Variants in OPCML observed in about 807,000 individuals in gnomAD.
OPCML encodes opioid-binding protein/cell adhesion molecule.
Under a neutral mutation model 37.8 loss-of-function variants are expected in OPCML, and 13 were observed. That is an observed-to-expected ratio of 0.34 (90% CI 0.22 to 0.55). The LOEUF (loss-of-function observed/expected upper bound fraction) is 0.55, where lower values mean the gene tolerates loss of function less well. OPCML is among the 20% of genes least tolerant of loss of function. The probability of loss-of-function intolerance (pLI) is 0.91; values close to 1 mark genes in which losing one functional copy is unlikely to be tolerated. For missense variants in OPCML, 341 were observed against 435.6 expected (o/e 0.78, Z 1.93); for synonymous variants, 176 against 168.8 (o/e 1.04, Z -0.33).
intron 1 of OPCML, chr11:133,067,283 A>G (rs1436130977): frequency 6.6e-6 from 1 of 152,176 alleles, no homozygotes; most frequent in Non-Finnish European, 1.5e-5. Flanking sequence ...CAGTGAGTAA[A>G]GGGTGTGGCT....
At chr11:133,433,004 T>G (rs1429296667) in intron 1 of OPCML, among the ~76,000 whole-genome samples, 1 of 152,170 alleles carries the variant, frequency 6.6e-6, no homozygotes, top group Non-Finnish European at 1.5e-5. Flanking sequence ...TATTCTAGAT[T>G]TTTGGTATTT....
rs116997555 is a variant in OPCML at position 133,453,370 on chromosome 11, A to T, written c.61+78894T>A. On this transcript the variant is annotated intron_variant, in intron 1 of 7. Transcript: ENST00000524381. The stretch of plus-strand genomic sequence containing the variant: ...AAGGGACTTTCAAACTTTTGATTGG[A>T]TGCTAGAATGTTAAACTCTGACGGA... Among the ~76,000 whole-genome samples, 545 of 152,316 alleles carry T rather than the reference A, an allele frequency of 3.6e-3. 3 individuals carry two copies. Among genetic ancestry groups the T allele is most frequent in the Non-Finnish European group, 5.3e-3 (359 of 68,024 alleles).
intron 1 of OPCML, among the ~76,000 whole-genome samples, chr11:133,327,712 G>A (rs760430463): frequency 3.6e-4 from 55 of 152,286 alleles, no homozygotes; most frequent in African/African-American, 1.2e-3. Context: ...CAGCACTGAA[G>A]CCTCCACTTC....
At chr11:133,227,088 G>A (rs1049154677) in intron 1 of OPCML, among the ~76,000 whole-genome samples, 1 of 152,188 alleles carries the variant, frequency 6.6e-6, no homozygotes, top group African/African-American at 2.4e-5. Flanking sequence ...TTAGGGGGGG[G>A]TGCTGTCCTC....
At chr11:132,643,320 A>T (rs1940965378) in intron 3 of OPCML, among the ~76,000 whole-genome samples, 1 of 152,172 alleles carries the variant, frequency 6.6e-6, no homozygotes, top group African/African-American at 2.4e-5. Flanking sequence ...TTGCTGAAGG[A>T]GCTCAGGCAG....
At chr11:133,500,808 C>T (rs188102448) in intron 1 of OPCML, among the ~76,000 whole-genome samples, 73 of 152,272 alleles carry the variant, frequency 4.8e-4, no homozygotes, top group African/African-American at 1.5e-3. Flanking sequence ...TAGAAACCTT[C>T]GAATTTTGAG....
chr11:132,773,747 A>G (rs537754826), intron 2 of OPCML, among the ~76,000 whole-genome samples: 9 of 152,028 alleles, frequency 5.9e-5, no homozygotes, highest in African/African-American at 1.4e-4. Context: ...CTCTTTCTGT[A>G]TCTCCTTTCT....
chr11:133,045,984 A>T (rs1379246032), intron 1 of OPCML, among the ~76,000 whole-genome samples: 1 of 152,122 alleles, frequency 6.6e-6, no homozygotes, highest in Non-Finnish European at 1.5e-5. Context: ...AAGCTACAAG[A>T]TGCTCACCGG....
intron 2 of OPCML, among the ~76,000 whole-genome samples, chr11:132,696,431 A>C (rs1186711537): frequency 6.6e-6 from 1 of 152,186 alleles, no homozygotes; most frequent in Admixed American, 6.6e-5. Flanking sequence ...TCTCAGAAGA[A>C]ACAGGGAACA....
chr11:133,186,629 T>G (rs143631561), intron 1 of OPCML, among the ~76,000 whole-genome samples: 132 of 152,294 alleles, frequency 8.7e-4, no homozygotes, highest in African/African-American at 3.0e-3. Context: ...TTGTGGCCTC[T>G]GCACTCAGCC....
chr11:133,479,491 C>T (rs1947328100), intron 1 of OPCML, among the ~76,000 whole-genome samples: 1 of 152,178 alleles, frequency 6.6e-6, no homozygotes, highest in Admixed American at 6.5e-5. Context: ...TATGTGTTGT[C>T]ATTACTGTCA....
At chr11:132,945,312 C>T (rs1489744733) in intron 1 of OPCML, among the ~76,000 whole-genome samples, 1 of 152,234 alleles carries the variant, frequency 6.6e-6, no homozygotes, top group African/African-American at 2.4e-5. Context: ...GCCTATTGCT[C>T]CTTGGCTGCA....
At chr11:132,859,378 T>A (rs950162600) in intron 2 of OPCML, 3 of 152,236 alleles carry the variant, frequency 2.0e-5, no homozygotes, top group Non-Finnish European at 4.4e-5. Context: ...AAAAAAACAT[T>A]TAACTTATTT....
chr11:132,608,337 A>AT (rs1938434917), intron 3 of OPCML, among the ~76,000 whole-genome samples: 1 of 152,166 alleles, frequency 6.6e-6, no homozygotes, highest in Non-Finnish European at 1.5e-5. Context: ...CAGAGACACA[A>AT]TACTATGTCT....
intron 3 of OPCML, among the ~76,000 whole-genome samples, chr11:132,594,704 G>A (rs902197714): frequency 1.3e-5 from 2 of 152,110 alleles, no homozygotes; most frequent in East Asian, 3.9e-4. Flanking sequence ...TTGGCCAAGG[G>A]TGAATATCCG....
chr11:132,968,130 T>C (rs1381453780), intron 1 of OPCML, among the ~76,000 whole-genome samples: 2 of 152,230 alleles, frequency 1.3e-5, no homozygotes, highest in East Asian at 3.8e-4. Flanking sequence ...TTAAGTATTT[T>C]ATTTTGGTGG....
At position 133,366,571 on chromosome 11, in the gene OPCML, C is replaced by A. The variant is rs373679559; in HGVS notation, c.61+165693G>T. Among the ~76,000 whole-genome samples, 242 of 152,268 alleles carry A rather than the reference C, an allele frequency of 1.6e-3. 11 individuals carry two copies. In the South Asian group the frequency reaches 0.05, roughly 31 times the overall value. On this transcript the variant is annotated intron_variant, in intron 1 of 7. Coordinates refer to ENST00000524381, the MANE Select transcript of OPCML (RefSeq NM_001012393.5). ...TTCCTCTTCCCTTGATCTCCAAAAC[C>A]ATCCCTTCATGATGGGGAGAAGAAG...
intron 4 of OPCML, among the ~76,000 whole-genome samples, chr11:132,526,220 G>T (rs879757551): frequency 5.9e-5 from 9 of 152,158 alleles, no homozygotes; most frequent in South Asian, 2.1e-4. Flanking sequence ...CAAGCTTAGA[G>T]AACTGTGTGT....
chr11:133,050,942 G>C (rs558238843), intron 1 of OPCML, among the ~76,000 whole-genome samples: 1 of 151,860 alleles, frequency 6.6e-6, no homozygotes, highest in Non-Finnish European at 1.5e-5. Context: ...TCAAACTTGC[G>C]AGACACCCAA....
Sources: gnomAD v4.1 joint callset for allele counts (sites outside exome capture counted in the v4.1 genomes callset) on GRCh38, gnomAD v4.1.1 for gene constraint, MANE v1.5 for transcripts, NCBI Gene and HGNC (gene_info 2026-07-23, HGNC 2026-07-21) for gene names.